The following FREM1 variants were observed in gnomAD, a reference collection of about 807,000 sequenced individuals.
FREM1 encodes the protein FRAS1-related extracellular matrix protein 1.
FREM1 carries 220 observed loss-of-function variants against 210.1 expected under a neutral mutation model. That is an observed-to-expected ratio of 1.05 (90% CI 0.94 to 1.17). FREM1 has a LOEUF of 1.17. Ranked by LOEUF, FREM1 falls within the 50% of genes most tolerant of loss-of-function variation. FREM1 has a pLI of 0.00. For synonymous variants in FREM1, 1,189 were observed against 980.2 expected, an observed-to-expected ratio of 1.21 and a Z score of -3.98; for missense variants, 3,454 against 2,675.5, an observed-to-expected ratio of 1.29 and a Z score of -6.42.
At chr9:14,800,989 G>C (rs1817172334) in intron 20 of FREM1, among the ~76,000 whole-genome samples, 1 of 151,950 alleles carries the variant, frequency 6.6e-6, no homozygotes, top group Non-Finnish European at 1.5e-5. Context: ...GGTTTATTTT[G>C]GTTTTTGTTT....
chr9:14,881,669 T>C (rs1283688638), intron 1 of FREM1, among the ~76,000 whole-genome samples: 1 of 152,234 alleles, frequency 6.6e-6, no homozygotes, highest in Non-Finnish European at 1.5e-5. Flanking sequence ...CTGACAGGAA[T>C]GTCTATTTGT....
chr9:14,909,819 G>C (rs1419483937), intron 1 of FREM1, 95 bp downstream of exon 1: 1 of 152,190 alleles, frequency 6.6e-6, no homozygotes, highest in African/African-American at 2.4e-5. Flanking sequence ...ATTGTTACTT[G>C]GCATTAATGA....
chr9:14,825,897 T>G (rs1324442975), intron 10 of FREM1, among the ~76,000 whole-genome samples: 1 of 152,150 alleles, frequency 6.6e-6, no homozygotes, highest in Admixed American at 6.5e-5. Context: ...TTATTGCAAC[T>G]GCTGCCTGTT....
At chr9:14,856,192 A>C (rs1828697620) in intron 5 of FREM1, among the ~76,000 whole-genome samples, 1 of 152,230 alleles carries the variant, frequency 6.6e-6, no homozygotes, top group South Asian at 2.1e-4. Context: ...TCTAAGAAAT[A>C]GGTACTATAA....
At chr9:14,866,690 G>T (rs1250065823) in intron 2 of FREM1, among the ~76,000 whole-genome samples, 1 of 152,038 alleles carries the variant, frequency 6.6e-6, no homozygotes, top group African/African-American at 2.4e-5. Flanking sequence ...AATGTTGAAT[G>T]ATTTTTAAAA....
At chr9:14,819,608 A>T (rs534242141) in intron 13 of FREM1, among the ~76,000 whole-genome samples, 166 bp from the exon 14 acceptor site, 37 of 152,030 alleles carry the variant, frequency 2.4e-4, no homozygotes, top group Middle Eastern at 3.4e-3. Context: ...TGACTGAAAA[A>T]TTTTTTTTTA....
intron 23 of FREM1, among the ~76,000 whole-genome samples, chr9:14,786,369 G>C (rs1328109280): frequency 6.6e-6 from 1 of 152,142 alleles, no homozygotes; most frequent in African/African-American, 2.4e-5. Context: ...AAAAACACGT[G>C]ATGTAAATGC....
In FREM1 at chr9:14,885,458, C is replaced by T. The variant is rs959047620; in HGVS notation, c.-267-16214G>A. On this transcript the variant is annotated intron_variant, in intron 1 of 36. Transcript: ENST00000380880. ...TTTAGAGACAGGGGTTTCACCCTGT[C>T]GCCCAGGCTAGCATGCAGTGGTGCG... 6.6e-5 allele frequency among the ~76,000 whole-genome samples: 10 copies of T among 152,282 alleles called. No homozygotes were observed. In the South Asian group the frequency reaches 8.3e-4, roughly 13 times the overall value.
At chr9:14,804,081 TATA>T (rs745389654) in intron 19 of FREM1, among the ~76,000 whole-genome samples, 2 of 152,182 alleles carry the variant, frequency 1.3e-5, no homozygotes, top group East Asian at 3.9e-4. Context: ...TGGAATGGAT[TATA>T]ATAACTTAAA....
At chr9:14,830,601 G>A (rs1823370566) in intron 10 of FREM1, among the ~76,000 whole-genome samples, 2 of 152,104 alleles carry the variant, frequency 1.3e-5, no homozygotes, top group South Asian at 4.2e-4. Context: ...AAAAAAATGT[G>A]CCCACCGGAA....
intron 15 of FREM1, among the ~76,000 whole-genome samples, chr9:14,815,582 G>A (rs1820143222): frequency 6.6e-6 from 1 of 152,120 alleles, no homozygotes; most frequent in Admixed American, 6.6e-5. Flanking sequence ...TCTGAGTTAT[G>A]CTCTTGGACT....
chr9:14,814,523 A>G (rs1819956613), intron 15 of FREM1, among the ~76,000 whole-genome samples: 1 of 152,250 alleles, frequency 6.6e-6, no homozygotes, highest in Non-Finnish European at 1.5e-5. Context: ...AGGAATGGGT[A>G]ACAAAAGCTC....
chr9:14,833,056 G>T (rs1368730236), intron 10 of FREM1, among the ~76,000 whole-genome samples: 1 of 152,096 alleles, frequency 6.6e-6, no homozygotes, highest in South Asian at 2.1e-4. Context: ...GCAATACTTT[G>T]TTTTAGTCTC....
rs771553360 is a variant in FREM1 at position 14,851,559 on chromosome 9, G to T, written c.877C>A (p.Gln293Lys). 1.2e-6 allele frequency: 2 copies of T among 1,613,938 alleles called. No homozygotes were observed. Among genetic ancestry groups the T allele is most frequent in the Admixed American group, 1.7e-5 (1 of 60,024 alleles). The change falls in exon 6 of 37, where the codon CAG (glutamine) becomes AAG (lysine). Residue 293 changes from glutamine (Q) to lysine (K), a missense_variant. Physicochemically the swap from Gln to Lys is moderately conservative, Grantham distance 53 (BLOSUM62 1). Coordinates refer to ENST00000380880, the MANE Select transcript of FREM1 (RefSeq NM_001379081.2). ...GCCATGAATGCAGCCTTTGGAATCT[G>T]ATTCGGAATTCCAGCTCTGATATAG... ...PVYIRAGIPNQIPKAAFMAVF... is the reference protein window; with the variant it reads ...PVYIRAGIPNKIPKAAFMAVF...
At chr9:14,750,865 G>T (rs570560979) in intron 29 of FREM1, among the ~76,000 whole-genome samples, 2 of 152,284 alleles carry the variant, frequency 1.3e-5, no homozygotes, top group South Asian at 2.1e-4. Flanking sequence ...GGGGGTTCTA[G>T]AAATAAAGCC....
chr9:14,862,188 G>C (rs915103534), intron 3 of FREM1, among the ~76,000 whole-genome samples: 1 of 152,128 alleles, frequency 6.6e-6, no homozygotes, highest in Non-Finnish European at 1.5e-5. Context: ...TTTTGCCTTA[G>C]ACTACAAGCA....
intron 27 of FREM1, among the ~76,000 whole-genome samples, chr9:14,764,042 G>A (rs1450767926): frequency 6.6e-6 from 1 of 152,120 alleles, no homozygotes; most frequent in African/African-American, 2.4e-5. Flanking sequence ...CACATGTTGT[G>A]GGAGGGACCT....
At chr9:14,764,076 G>C (rs1245135881) in intron 27 of FREM1, among the ~76,000 whole-genome samples, 1 of 152,128 alleles carries the variant, frequency 6.6e-6, no homozygotes, top group Non-Finnish European at 1.5e-5. Context: ...TGAATCATGG[G>C]GGTGGTTTCC....
At chr9:14,847,907 A>C (rs1205661631) in intron 7 of FREM1, among the ~76,000 whole-genome samples, 1 of 152,210 alleles carries the variant, frequency 6.6e-6, no homozygotes, top group Admixed American at 6.5e-5. Flanking sequence ...AGTAGGATGT[A>C]TAGCCAGAAT....
Sources: allele counts gnomAD v4.1 joint callset (sites outside exome capture counted in the v4.1 genomes callset), GRCh38; gene constraint gnomAD v4.1.1; transcripts MANE v1.5; gene names NCBI Gene and HGNC (gene_info 2026-07-23, HGNC 2026-07-21).